The following KLHL1 variants were observed in gnomAD, a reference collection of about 807,000 sequenced individuals.
KLHL1 encodes kelch-like protein 1.
KLHL1 carries 47 observed loss-of-function variants against 77.7 expected under a neutral mutation model. The observed-to-expected ratio is 0.60, with a 90% CI of 0.48 to 0.77. The LOEUF is 0.77. KLHL1 is among the 30% of genes least tolerant of loss of function. The pLI is 0.00. For missense variants in KLHL1, 925 were observed against 910.8 expected, an observed-to-expected ratio of 1.02 and a Z score of -0.20; for synonymous variants, 360 against 325.2, an observed-to-expected ratio of 1.11 and a Z score of -1.15.
chr13:69,998,788 G>T (rs979868562), intron 1 of KLHL1, among the ~76,000 whole-genome samples: 9 of 152,006 alleles, frequency 5.9e-5, no homozygotes, highest in South Asian at 2.1e-4. Flanking sequence ...AAGGTTGTTG[G>T]CCAGACTACA....
chr13:69,788,970 T>C (rs915155326), intron 7 of KLHL1, among the ~76,000 whole-genome samples: 18 of 150,340 alleles, frequency 1.2e-4, no homozygotes, highest in African/African-American at 3.9e-4. Context: ...TCTTTTCCCC[T>C]CTCAGGAGAA....
intron 4 of KLHL1, among the ~76,000 whole-genome samples, chr13:69,926,886 G>T (rs1402710576): frequency 7.5e-6 from 1 of 132,494 alleles, no homozygotes; most frequent in Non-Finnish European, 1.5e-5. Context: ...GGCAGAGCTT[G>T]CAGTGAGCTA....
intron 1 of KLHL1, among the ~76,000 whole-genome samples, chr13:70,075,569 G>GTGTATATATATATATATATA (rs761519216): frequency 2.6e-4 from 28 of 106,580 alleles, no homozygotes; most frequent in African/African-American, 7.7e-4. Context: ...GTGTGTATGT[G>GTGTATATATATATATATATA]TATATATATA....
intron 5 of KLHL1, among the ~76,000 whole-genome samples, chr13:69,850,042 A>T (rs1325058104): frequency 6.6e-6 from 1 of 151,514 alleles, no homozygotes; most frequent in Non-Finnish European, 1.5e-5. Context: ...AGTTGATAGC[A>T]TGTTTATTTT....
At chr13:69,904,894 C>G (rs954052221) in intron 4 of KLHL1, among the ~76,000 whole-genome samples, 2 of 152,118 alleles carry the variant, frequency 1.3e-5, no homozygotes, top group African/African-American at 4.8e-5. Flanking sequence ...TAGTTAATCT[C>G]TCTGTTGATT....
At chr13:69,985,252 A>G (rs1251708598) in intron 1 of KLHL1, among the ~76,000 whole-genome samples, 2 of 152,166 alleles carry the variant, frequency 1.3e-5, no homozygotes, top group Admixed American at 6.6e-5. Context: ...TTCAGAATAT[A>G]TAAGAAACTC....
chr13:69,864,115 T>A (rs1880276706), intron 5 of KLHL1, among the ~76,000 whole-genome samples: 1 of 151,978 alleles, frequency 6.6e-6, no homozygotes, highest in African/African-American at 2.4e-5. Flanking sequence ...GAATATCATT[T>A]TTATAGCATC....
chr13:69,939,820 TA>T (rs1883311565), intron 4 of KLHL1, among the ~76,000 whole-genome samples: 1 of 152,046 alleles, frequency 6.6e-6, no homozygotes, highest in South Asian at 2.1e-4. Context: ...TAAAATAAAA[TA>T]AAAAATAAAT....
intron 1 of KLHL1, among the ~76,000 whole-genome samples, chr13:70,074,681 A>G (rs1449129068): frequency 6.6e-6 from 1 of 151,792 alleles, no homozygotes; most frequent in Non-Finnish European, 1.5e-5. Flanking sequence ...CCAACACCCA[A>G]CTTTTGTTTG....
At chr13:69,887,638 T>C (rs903985735) in intron 4 of KLHL1, among the ~76,000 whole-genome samples, 2 of 152,182 alleles carry the variant, frequency 1.3e-5, no homozygotes, top group African/African-American at 4.8e-5. Flanking sequence ...GCTAAGTTCT[T>C]TGCCACTTTA....
intron 1 of KLHL1, among the ~76,000 whole-genome samples, chr13:70,070,897 AT>A (rs993570990): frequency 2.0e-5 from 3 of 151,742 alleles, no homozygotes; most frequent in Non-Finnish European, 4.4e-5. Flanking sequence ...TAGGGAAACC[AT>A]TTTTTTTAAA....
chr13:70,080,062 G>A (rs1051897966), intron 1 of KLHL1, among the ~76,000 whole-genome samples: 3 of 152,166 alleles, frequency 2.0e-5, no homozygotes, highest in Admixed American at 6.5e-5. Flanking sequence ...GTGTTTTCTT[G>A]CAGCAGTTAC....
intron 1 of KLHL1, among the ~76,000 whole-genome samples, chr13:69,989,372 T>G (rs1884963981): frequency 6.6e-6 from 1 of 152,000 alleles, no homozygotes; most frequent in African/African-American, 2.4e-5. Flanking sequence ...TGTAGTATGG[T>G]TTGAAGTCAG....
chr13:70,057,782 C>CAAAAAAAAA (rs60920874), intron 1 of KLHL1, among the ~76,000 whole-genome samples: 5 of 62,112 alleles, frequency 8.0e-5, no homozygotes, highest in Non-Finnish European at 1.4e-4. Flanking sequence ...GACTCCGTCT[C>CAAAAAAAAA]AAAAAAAAAA....
intron 4 of KLHL1, among the ~76,000 whole-genome samples, chr13:69,901,378 T>A (rs953917995): frequency 1.1e-4 from 16 of 152,186 alleles, no homozygotes; most frequent in African/African-American, 3.4e-4. Context: ...TACTAAGGAC[T>A]AGAGTAGGTA....
chr13:69,859,706 A>G (rs1880061515), intron 5 of KLHL1, among the ~76,000 whole-genome samples: 1 of 152,150 alleles, frequency 6.6e-6, no homozygotes, highest in East Asian at 1.9e-4. Flanking sequence ...TACAAACAGA[A>G]ACCAGTTAGA....
chr13:69,703,596 T>C (rs1303245166), intron 10 of KLHL1, among the ~76,000 whole-genome samples: 1 of 151,664 alleles, frequency 6.6e-6, no homozygotes, highest in African/African-American at 2.4e-5. Flanking sequence ...TTTTCACTCA[T>C]GACTCTGTCA....
intron 7 of KLHL1, among the ~76,000 whole-genome samples, chr13:69,789,052 T>TATCTA (rs1876724495): frequency 6.6e-6 from 1 of 151,862 alleles, no homozygotes; most frequent in African/African-American, 2.4e-5. Flanking sequence ...TCTATCTATC[T>TATCTA]ATCTATCTAT....
In KLHL1 at chr13:69,701,518, G is replaced by C. The variant is rs1875393222; in HGVS notation, c.*184C>G. ...ATGGCCAGACATTTTTCCTGTATAAGTTTAATGTTTTCTTGTTTCCTACTA... is the reference window on the plus strand; with the variant it reads ...ATGGCCAGACATTTTTCCTGTATAACTTTAATGTTTTCTTGTTTCCTACTA... On this transcript the variant is annotated 3_prime_UTR_variant, in exon 11 of 11. Transcript: ENST00000377844. 5.6e-6 allele frequency: 3 copies of C among 536,472 alleles called. No individual in the cohort carries two copies. The highest frequency in any genetic ancestry group is 1.0e-5 in the Non-Finnish European group (3 of 300,732). 33.2% of individuals were successfully genotyped at this position (536,472 alleles called of 1,614,324 possible).
Sources: gnomAD v4.1 joint callset for allele counts (sites outside exome capture counted in the v4.1 genomes callset) on GRCh38, gnomAD v4.1.1 for gene constraint, MANE v1.5 for transcripts, NCBI Gene and HGNC (gene_info 2026-07-23, HGNC 2026-07-21) for gene names.